COLEC12: variants seen among roughly 807,000 people sequenced by gnomAD.
The protein encoded by COLEC12 is collectin subfamily member 12.
COLEC12 carries 33 observed loss-of-function variants against 71.1 expected under a neutral mutation model. That is an observed-to-expected ratio of 0.46 (90% CI 0.35 to 0.62). The LOEUF (loss-of-function observed/expected upper bound fraction) is 0.62. COLEC12 is among the 20% of genes least tolerant of loss of function. The probability of loss-of-function intolerance (pLI) is 0.00; values close to 1 mark genes in which losing one functional copy is unlikely to be tolerated. For missense variants in COLEC12, 765 were observed against 916.1 expected, an observed-to-expected ratio of 0.84 and a Z score of 2.13; for synonymous variants, 350 against 353.0, an observed-to-expected ratio of 0.99 and a Z score of 0.10.
intron 8 of COLEC12, among the ~76,000 whole-genome samples, chr18:326,398 A>AGT (rs1913842892): frequency 6.6e-6 from 1 of 152,034 alleles, no homozygotes; most frequent in African/African-American, 2.4e-5. Context: ...CCCAGGCTGG[A>AGT]GTGCTGTGGT....
Position 500,665 on chromosome 18 carries a change from G to GCCCGCCCTC in COLEC12, c.-152_-151insGAGGGCGGG, listed in dbSNP as rs1917808312. 1 of 448,588 alleles carries GCCCGCCCTC rather than the reference G, an allele frequency of 2.2e-6. No homozygotes were observed. The highest frequency in any genetic ancestry group is 5.6e-5 in the Admixed American group (1 of 17,764). 27.8% of individuals were successfully genotyped at this position (448,588 alleles called of 1,614,324 possible). A position where few individuals can be genotyped will look rare whatever the true frequency, so the allele number is the denominator to read the frequency against. Reference sequence around the variant, plus strand: ...CCCCCGTCCTCCCTCGCCGCCGCCGGCCCGCGCTCCCCGCGCTCCCGGCTC... The same window carrying GCCCGCCCTC: ...CCCCCGTCCTCCCTCGCCGCCGCCGGCCCGCCCTCCCCGCGCTCCCCGCGCTCCCGGCTC... On this transcript the variant is annotated 5_prime_UTR_variant, in exon 1 of 10. Transcript: ENST00000400256. The surrounding 1 kb of genome is among the most constrained non-coding windows in gnomAD (Gnocchi z 5.3).
chr18:469,591 G>A (rs1314309575), intron 2 of COLEC12, among the ~76,000 whole-genome samples: 2 of 152,094 alleles, frequency 1.3e-5, no homozygotes, highest in African/African-American at 4.8e-5. Context: ...CCAAGAAAAG[G>A]GAACTGCTGA....
intron 2 of COLEC12, among the ~76,000 whole-genome samples, chr18:434,412 C>T (rs1269071242): frequency 6.6e-6 from 1 of 152,182 alleles, no homozygotes; most frequent in East Asian, 1.9e-4. Flanking sequence ...ATGCAGCACA[C>T]AGTATTTTCA....
Position 350,406 on chromosome 18 carries a change from A to G in COLEC12, c.182-2243T>C, listed in dbSNP as rs148939266. 4.0e-3 allele frequency among the ~76,000 whole-genome samples: 610 copies of G among 152,258 alleles called. 4 individuals carry two copies. Among genetic ancestry groups the G allele is most frequent in the African/African-American group, 8.9e-3 (371 of 41,554 alleles). On this transcript the variant is annotated intron_variant, in intron 3 of 9. Coordinates refer to ENST00000400256, the MANE Select transcript of COLEC12 (RefSeq NM_130386.3). ...CCTCTTGTTCTTCCCAGTCTCGGGT[A>G]TGTCTTTATCAGCAGCATGGGAACG... is the stretch of plus-strand genomic sequence containing the variant.
At chr18:419,962 T>A (rs2143651784) in intron 2 of COLEC12, among the ~76,000 whole-genome samples, 1 of 152,288 alleles carries the variant, frequency 6.6e-6, no homozygotes, top group South Asian at 2.1e-4. Context: ...TTGCAAGATG[T>A]CTGACTGCCC....
intron 7 of COLEC12, 101 bp downstream of exon 7, chr18:332,906 G>C (rs1914016247): frequency 9.2e-7 from 1 of 1,085,606 alleles, no homozygotes; most frequent in Non-Finnish European, 1.3e-6. Flanking sequence ...TACGTGACTA[G>C]GAATTCGTGA....
chr18:500,469 C>A lies in COLEC12; in HGVS notation c.7+39G>T. ...CCTCCCGCGCGCCCCGAAGCCCGTT[C>A]CCCCCGCCCAGAGCCCCGCGGAGCT... On this transcript the variant is annotated intron_variant, in intron 1 of 9. Coordinates refer to ENST00000400256, the MANE Select transcript of COLEC12 (RefSeq NM_130386.3). The surrounding 1 kb of genome is among the most constrained non-coding windows in gnomAD (Gnocchi z 5.3). 1 of 1,217,476 alleles carries A rather than the reference C, an allele frequency of 8.2e-7. No individual in the cohort carries two copies. Among genetic ancestry groups the A allele is most frequent in the Non-Finnish European group, 1.0e-6 (1 of 977,330 alleles). The allele number at this position is 1,217,476 out of a possible 1,614,324, so 75.4% of individuals were successfully genotyped here.
At chr18:323,169 T>G (rs1000226774) in intron 8 of COLEC12, among the ~76,000 whole-genome samples, 2 of 152,152 alleles carry the variant, frequency 1.3e-5, no homozygotes, top group African/African-American at 4.8e-5. Context: ...AGGTTTGCAG[T>G]GAGCCAAGAT....
intron 2 of COLEC12, among the ~76,000 whole-genome samples, chr18:476,552 C>T (rs545745777): frequency 2.0e-5 from 3 of 152,262 alleles, no homozygotes; most frequent in Middle Eastern, 3.4e-3. Flanking sequence ...GAACCCATTG[C>T]GACCAATCAA....
chr18:452,718 G>A (rs1195491920), intron 2 of COLEC12, among the ~76,000 whole-genome samples: 1 of 152,222 alleles, frequency 6.6e-6, no homozygotes, highest in East Asian at 1.9e-4. Context: ...GGCTCTCCAG[G>A]ACTGACTTTC....
chr18:350,614 T>C (rs1031209212), intron 3 of COLEC12, among the ~76,000 whole-genome samples: 1 of 151,090 alleles, frequency 6.6e-6, no homozygotes, highest in Non-Finnish European at 1.5e-5. Flanking sequence ...ACTGTCCTTC[T>C]TAGTATCAAT....
intron 2 of COLEC12, among the ~76,000 whole-genome samples, chr18:387,969 A>C (rs1383808501): frequency 7.2e-6 from 1 of 139,258 alleles, no homozygotes; most frequent in Admixed American, 7.7e-5. Flanking sequence ...AAATTAATGC[A>C]TGGGGAAGGG....
intron 2 of COLEC12, among the ~76,000 whole-genome samples, chr18:443,877 T>G (rs1447838817): frequency 6.6e-6 from 1 of 152,118 alleles, no homozygotes; most frequent in Non-Finnish European, 1.5e-5. Context: ...TCTCATGAGA[T>G]CTGGTCATTT....
At position 457,306 on chromosome 18, in the gene COLEC12, C is replaced by T. The variant is rs559381362; in HGVS notation, c.58+23401G>A. Among the ~76,000 whole-genome samples the T allele has an allele frequency of 5.3e-5, 8 of 152,232 alleles. No homozygotes were observed. The South Asian group carries it at 1.5e-3, about 28-fold the overall frequency. On this transcript the variant is annotated intron_variant, in intron 2 of 9. Transcript: ENST00000400256. ...TGCACAGAGTACCCAGGCACTGCAGCGCCGAAGGAGATTCAGTTACAGTGA... is the reference window on the plus strand; with the variant it reads ...TGCACAGAGTACCCAGGCACTGCAGTGCCGAAGGAGATTCAGTTACAGTGA...
intron 6 of COLEC12, 67 bp from the exon 7 acceptor site, chr18:333,210 G>A (rs1334296353): frequency 2.6e-5 from 37 of 1,397,972 alleles, no homozygotes; most frequent in Non-Finnish European, 3.4e-5. Context: ...TTCTTCAGCT[G>A]TGTTTCAGAG....
chr18:322,798 G>A (rs1440406644), intron 8 of COLEC12, among the ~76,000 whole-genome samples: 1 of 152,152 alleles, frequency 6.6e-6, no homozygotes, highest in African/African-American at 2.4e-5. Context: ...AGCCTGTATG[G>A]CCCTGTATCT....
intron 2 of COLEC12, among the ~76,000 whole-genome samples, chr18:443,397 T>C (rs1474523689): frequency 6.6e-6 from 1 of 152,242 alleles, no homozygotes; most frequent in East Asian, 1.9e-4. Context: ...TGTATCTCAC[T>C]TTCATGTCTT....
At position 459,508 on chromosome 18, in the gene COLEC12, G is replaced by A. The variant is rs536335695; in HGVS notation, c.58+21199C>T. Among the ~76,000 whole-genome samples the A allele has an allele frequency of 6.6e-5, 10 of 152,316 alleles. No homozygotes were observed. The East Asian group carries it at 7.7e-4, about 12-fold the overall frequency. ...ATCAGACAGCTTTCCTCATTGGGAC[G>A]TATGTAAAACCCGAGTGGAGATATG... On this transcript the variant is annotated intron_variant, in intron 2 of 9. Transcript: ENST00000400256.
chr18:348,807 G>T (rs1409496694), intron 3 of COLEC12, among the ~76,000 whole-genome samples: 1 of 152,200 alleles, frequency 6.6e-6, no homozygotes, highest in African/African-American at 2.4e-5. Flanking sequence ...GATTTGCCAA[G>T]AAGTATTTTT....
Sources: gnomAD v4.1 joint callset for allele counts (sites outside exome capture counted in the v4.1 genomes callset) on GRCh38, gnomAD v4.1.1 for gene constraint, Gnocchi (gnomAD v3.1) non-coding constraint, MANE v1.5 for transcripts, NCBI Gene and HGNC (gene_info 2026-07-23, HGNC 2026-07-21) for gene names.